The following LTN1 variants were observed in gnomAD, a reference collection of about 807,000 sequenced individuals.
LTN1 encodes listerin E3 ubiquitin protein ligase 1.
In LTN1, 88 loss-of-function variants were observed where a neutral mutation model predicts 201.2. The ratio of observed to expected loss-of-function variants is 0.44; its 90% CI spans 0.37 to 0.52. The LOEUF (loss-of-function observed/expected upper bound fraction) is 0.52. LTN1 is among the 20% of genes least tolerant of loss of function. The pLI is 0.00. For synonymous variants in LTN1, 645 were observed against 713.5 expected (o/e 0.90, Z 1.53); for missense variants, 1,752 against 2,038.7 (o/e 0.86, Z 2.71).
chr21:28,959,986 C>G (rs567309231), intron 12 of LTN1: 1 of 261,756 alleles, frequency 3.8e-6, no homozygotes, highest in African/African-American at 2.3e-5. Context: ...AAAAAAAAAC[C>G]CTTTAGGATA....
intron 27 of LTN1, among the ~76,000 whole-genome samples, chr21:28,933,535 G>A (rs1185943043): frequency 2.0e-5 from 3 of 152,058 alleles, no homozygotes; most frequent in East Asian, 1.9e-4. Flanking sequence ...CTTATTCACC[G>A]TTGATTCTAT....
In LTN1 at chr21:28,960,808, T is replaced by C. The variant is rs1194370699; in HGVS notation, c.2164-102A>G. On this transcript the variant is annotated intron_variant, in intron 11 of 29. Transcript: ENST00000361371. ...ATTACTATCCCTTCGTTATCATGGC[T>C]CCAATTCTATCCCCCCTCCTCCTCC... 5.5e-6 allele frequency: 4 copies of C among 725,928 alleles called. No individual in the cohort carries two copies. The Admixed American group carries it at 1.1e-4, about 19-fold the overall frequency. The allele number at this position is 725,928 out of a possible 1,614,324, so 45.0% of individuals were successfully genotyped here. A position where few individuals can be genotyped will look rare whatever the true frequency, so the allele number is the denominator to read the frequency against.
Position 28,981,279 on chromosome 21 carries a change from C to A in LTN1, c.650G>T (p.Arg217Ile). 6.4e-7 allele frequency: 1 copy of A among 1,551,114 alleles called. No homozygotes were observed. Among genetic ancestry groups the A allele is most frequent in the Non-Finnish European group, 8.6e-7 (1 of 1,157,686 alleles). Reference sequence around the variant, plus strand: ...TACAACCCGGTAGAATTTAGCTTCTCTTTCTTCCTCTGGAACAGTTCTTGA... The same window carrying A: ...TACAACCCGGTAGAATTTAGCTTCTATTTCTTCCTCTGGAACAGTTCTTGA... ...SDPQTVPEEE[R>I]EAKFYRVVTC... Residue 217 changes from arginine (R) to isoleucine (I), a missense_variant, in exon 6 of 30, where the codon AGA becomes ATA. Physicochemically the swap from Arg to Ile is moderately conservative, Grantham distance 97 (BLOSUM62 -3). Transcript: ENST00000361371.
At chr21:28,930,938 A>G (rs1412337482) in intron 29 of LTN1, among the ~76,000 whole-genome samples, 1 of 152,156 alleles carries the variant, frequency 6.6e-6, no homozygotes, top group Admixed American at 6.5e-5. Context: ...GAGGGCCTTG[A>G]TTCTACCAGT....
intron 13 of LTN1, among the ~76,000 whole-genome samples, 196 bp from the exon 14 acceptor site, chr21:28,958,735 C>T (rs543254002): frequency 1.3e-5 from 2 of 152,182 alleles, no homozygotes; most frequent in African/African-American, 4.8e-5. Flanking sequence ...CAAGCTAGCA[C>T]GTATCATATA....
chr21:28,934,210 G>C (rs1014976216), intron 27 of LTN1, among the ~76,000 whole-genome samples: 1 of 152,152 alleles, frequency 6.6e-6, no homozygotes, highest in East Asian at 1.9e-4. Context: ...ACAAGAATCT[G>C]GTCCTACTAA....
intron 1 of LTN1, among the ~76,000 whole-genome samples, chr21:28,988,206 C>T (rs1487336822): frequency 6.6e-6 from 1 of 150,964 alleles, no homozygotes; most frequent in Admixed American, 6.6e-5. Flanking sequence ...GTGGCTCATG[C>T]CTGTAATCCC....
At chr21:28,973,346 CAAAAAAAAAAA>C (rs771261669) in intron 6 of LTN1, among the ~76,000 whole-genome samples, 9 of 61,772 alleles carry the variant, frequency 1.5e-4, no homozygotes, top group Admixed American at 7.7e-4. Flanking sequence ...GAATCCGTCC[CAAAAAAAAAAA>C]AAAAAAAAAA....
At chr21:28,944,324 A>T in intron 22 of LTN1, 59 bp downstream of exon 22, 1 of 1,396,208 alleles carries the variant, frequency 7.2e-7, no homozygotes, top group Non-Finnish European at 1.0e-6. Context: ...TTGCTTTTGA[A>T]TTTTTCAGTA....
At position 28,929,767 on chromosome 21, in the gene LTN1, T is replaced by C. The variant is rs1410751014; in HGVS notation, c.*681A>G. 6.6e-6 allele frequency: 1 copy of C among 152,078 alleles called. No homozygotes were observed. The highest frequency in any genetic ancestry group is 6.6e-5 in the Admixed American group (1 of 15,266). The allele number at this position is 152,078 out of a possible 1,614,324, so 9.4% of individuals were successfully genotyped here. A position where few individuals can be genotyped will look rare whatever the true frequency, so the allele number is the denominator to read the frequency against. On this transcript the variant is annotated 3_prime_UTR_variant, in exon 30 of 30. Coordinates refer to ENST00000361371, the MANE Select transcript of LTN1 (RefSeq NM_015565.3). Reference sequence around the variant, plus strand: ...AAGTTTACAATTCAAATTTCACTAATATATAGAAATAATTCTCCCACAAGC... The same window carrying C: ...AAGTTTACAATTCAAATTTCACTAACATATAGAAATAATTCTCCCACAAGC...
Position 28,986,956 on chromosome 21 carries a change from A to G in LTN1, c.43-22T>C. The G allele has an allele frequency of 6.4e-7, 1 of 1,574,240 alleles. No homozygotes were observed. Among genetic ancestry groups the G allele is most frequent in the African/African-American group, 1.3e-5 (1 of 74,286 alleles). On this transcript the variant is annotated intron_variant, in intron 1 of 29. Transcript: ENST00000361371. The surrounding 1 kb of genome is among the most constrained non-coding windows in gnomAD (Gnocchi z 4.1). ...AAGGCTGATAAGAAAATTACGGAGA[A>G]AAAAGTCAGAGTCCAGGAAGGGTTC...
chr21:28,989,347 C>T (rs545127633), intron 1 of LTN1, among the ~76,000 whole-genome samples: 38 of 152,088 alleles, frequency 2.5e-4, no homozygotes, highest in Non-Finnish European at 4.9e-4. Context: ...CTTTTAAATG[C>T]ACTATCTTTT....
At chr21:28,978,049 T>A (rs1182111415) in intron 6 of LTN1, among the ~76,000 whole-genome samples, 1 of 151,986 alleles carries the variant, frequency 6.6e-6, no homozygotes, top group Non-Finnish European at 1.5e-5. Context: ...TTTTTTTTTT[T>A]AATAGGTTCC....
chr21:28,988,747 C>T (rs755021695), intron 1 of LTN1, among the ~76,000 whole-genome samples: 4 of 151,680 alleles, frequency 2.6e-5, no homozygotes, highest in Non-Finnish European at 4.4e-5. Flanking sequence ...AGGGAGATCA[C>T]CTGAGATCAG....
intron 21 of LTN1, 48 bp downstream of exon 21, chr21:28,945,758 AG>A: frequency 6.5e-7 from 1 of 1,539,802 alleles, no homozygotes; most frequent in Non-Finnish European, 8.8e-7. Flanking sequence ...CTGATGCAAA[AG>A]TATGTACAAA....
chr21:28,946,792 A>G (rs1601173191), intron 19 of LTN1, among the ~76,000 whole-genome samples: 1 of 152,054 alleles, frequency 6.6e-6, no homozygotes, highest in Non-Finnish European at 1.5e-5. Flanking sequence ...GTATCTTAAC[A>G]CCCTCTGTCC....
intron 25 of LTN1, among the ~76,000 whole-genome samples, chr21:28,938,636 T>C (rs1401597974): frequency 6.6e-6 from 1 of 152,170 alleles, no homozygotes; most frequent in Non-Finnish European, 1.5e-5. Flanking sequence ...ACAGCAGCTT[T>C]ATTTTCAATA....
In LTN1 at chr21:28,930,435, A is replaced by G; in HGVS notation, c.*13T>C. 6.2e-7 allele frequency: 1 copy of G among 1,603,794 alleles called. No individual in the cohort carries two copies. Among genetic ancestry groups the G allele is most frequent in the Non-Finnish European group, 8.5e-7 (1 of 1,171,522 alleles). ...TTGATGTACTTCAGGGATCCCTTCC[A>G]GTGAAAAAAATCTCAGAAAAACGTC... On this transcript the variant is annotated 3_prime_UTR_variant, in exon 30 of 30. Transcript: ENST00000361371.
At chr21:28,934,254 C>T (rs2084236108) in intron 27 of LTN1, among the ~76,000 whole-genome samples, 1 of 152,180 alleles carries the variant, frequency 6.6e-6, no homozygotes, top group African/African-American at 2.4e-5. Context: ...GGACACAGTG[C>T]TTGGCATCTG....
Sources: gnomAD v4.1 joint callset for allele counts (sites outside exome capture counted in the v4.1 genomes callset) on GRCh38, gnomAD v4.1.1 for gene constraint, Gnocchi (gnomAD v3.1) non-coding constraint, MANE v1.5 for transcripts, NCBI Gene and HGNC (gene_info 2026-07-23, HGNC 2026-07-21) for gene names.